GABRG2: variants seen among roughly 807,000 people sequenced by gnomAD.
GABRG2 encodes the protein gamma-aminobutyric acid type A receptor subunit gamma2, also known as gamma-aminobutyric acid receptor subunit gamma-2.
GABRG2 carries 16 observed loss-of-function variants against 56.4 expected under a neutral mutation model. The ratio of observed to expected loss-of-function variants is 0.28; its 90% CI spans 0.19 to 0.43. The LOEUF (loss-of-function observed/expected upper bound fraction) is 0.43. GABRG2 is among the 20% of genes least tolerant of loss of function. The pLI is 1.00. For synonymous variants in GABRG2, 208 were observed against 205.5 expected (o/e 1.01, Z -0.10); for missense variants, 327 against 582.7 (o/e 0.56, Z 4.52).
chr5:162,101,063 A>C (rs1761378176), intron 4 of GABRG2, among the ~76,000 whole-genome samples, 172 bp from the exon 5 acceptor site: 1 of 152,132 alleles, frequency 6.6e-6, no homozygotes, highest in East Asian at 1.9e-4. Flanking sequence ...GACTACATTA[A>C]GTCTTATGTA....
At chr5:162,078,530 T>G (rs1759381097) in intron 1 of GABRG2, among the ~76,000 whole-genome samples, 1 of 146,922 alleles carries the variant, frequency 6.8e-6, no homozygotes, top group Non-Finnish European at 1.5e-5. Context: ...TTCAGCCTCC[T>G]GAGTATCTGG....
intron 3 of GABRG2, among the ~76,000 whole-genome samples, chr5:162,095,813 A>T (rs1053470482): frequency 2.6e-5 from 4 of 152,080 alleles, no homozygotes; most frequent in Admixed American, 2.0e-4. Context: ...GAAATTCAAC[A>T]ATCGGTGTTT....
chr5:162,113,001 G>A (rs80091100), intron 6 of GABRG2, among the ~76,000 whole-genome samples: 32,210 of 151,708 alleles, frequency 0.21, 3,760 homozygotes, highest in South Asian at 0.36. Context: ...TACCCAGGCC[G>A]GAGTGCAGTG....
chr5:162,068,191 A>T, intron 1 of GABRG2, 85 bp downstream of exon 1: 1 of 859,812 alleles, frequency 1.2e-6, no homozygotes, highest in Non-Finnish European at 2.0e-6. Flanking sequence ...GACCACCCAG[A>T]TTTAAAACAC....
At chr5:162,097,550 G>A in intron 3 of GABRG2, 88 bp from the exon 4 acceptor site, 1 of 1,064,434 alleles carries the variant, frequency 9.4e-7, no homozygotes, top group Non-Finnish European at 1.4e-6. Flanking sequence ...CTTCATATTG[G>A]CAAAGAAAAC....
At chr5:162,102,850 T>C (rs1402063673) in intron 5 of GABRG2, 1 of 233,840 alleles carries the variant, frequency 4.3e-6, no homozygotes, top group Non-Finnish European at 8.8e-6. Flanking sequence ...CCCTCTTTAA[T>C]TAATATAAAC....
At chr5:162,152,846 A>T in intron 9 of GABRG2, 1 of 598,414 alleles carries the variant, frequency 1.7e-6, no homozygotes, top group Non-Finnish European at 3.0e-6. Context: ...TTGGTGTTCA[A>T]TCTCCTTGCT....
intron 1 of GABRG2, among the ~76,000 whole-genome samples, chr5:162,085,634 C>G (rs1760031106): frequency 6.8e-6 from 1 of 146,684 alleles, no homozygotes; most frequent in South Asian, 2.2e-4. Context: ...TATAGGTAAA[C>G]TTGTGTTATG....
intron 5 of GABRG2, chr5:162,102,148 C>T (rs535664831): frequency 5.8e-6 from 1 of 170,964 alleles, no homozygotes; most frequent in East Asian, 1.5e-4. Context: ...GAAGTAATCA[C>T]CTGTTTATCA....
intron 6 of GABRG2, among the ~76,000 whole-genome samples, chr5:162,119,630 A>T (rs1331906221): frequency 1.3e-5 from 2 of 152,088 alleles, no homozygotes; most frequent in Non-Finnish European, 2.9e-5. Flanking sequence ...TCGAGATGTA[A>T]CTGAACTTTA....
At chr5:162,144,389 A>G (rs569416346) in intron 7 of GABRG2, among the ~76,000 whole-genome samples, 25 of 152,302 alleles carry the variant, frequency 1.6e-4, no homozygotes, top group Non-Finnish European at 2.6e-4. Context: ...TGGGTAACTC[A>G]TTTAACCCAC....
intron 6 of GABRG2, 71 bp downstream of exon 6, chr5:162,104,097 G>A: frequency 3.5e-6 from 5 of 1,418,780 alleles, no homozygotes; most frequent in Non-Finnish European, 5.0e-6. Context: ...TGAATTAGAA[G>A]ATTTTTCAAT....
At chr5:162,133,175 A>T (rs1763877800) in intron 6 of GABRG2, among the ~76,000 whole-genome samples, 1 of 152,088 alleles carries the variant, frequency 6.6e-6, no homozygotes, top group African/African-American at 2.4e-5. Context: ...CAACAGGAAT[A>T]TCACCTACCA....
chr5:162,107,960 C>T (rs932712823), intron 6 of GABRG2, among the ~76,000 whole-genome samples: 2 of 152,196 alleles, frequency 1.3e-5, no homozygotes, highest in Non-Finnish European at 1.5e-5. Flanking sequence ...ATTTCTCTCT[C>T]ATCTCCAGTC....
intron 1 of GABRG2, among the ~76,000 whole-genome samples, chr5:162,091,846 G>C (rs964831515): frequency 1.3e-5 from 2 of 152,000 alleles, no homozygotes; most frequent in African/African-American, 4.8e-5. Flanking sequence ...AACAAACTAA[G>C]CAATTTAGTA....
rs1254425203 is a variant in GABRG2, at chr5:162,142,230, C to T, written c.836C>T (p.Thr279Ile). 6.2e-7 allele frequency: 1 copy of T among 1,613,946 alleles called. No homozygotes were observed. Among genetic ancestry groups the T allele is most frequent in the Middle Eastern group, 1.6e-4 (1 of 6,062 alleles). Residue 279 changes from threonine (T) to isoleucine (I), a missense_variant, in exon 7 of 10, where the codon ACC becomes ATC. Thr to Ile is a moderately conservative substitution (Grantham distance 89). Transcript: ENST00000639213. The part of the protein sequence containing the change: ...SRRMGYFTIQ[T>I]YIPCTLIVVL... ...AGAATGGGATACTTTACCATCCAGA[C>T]CTATATCCCCTGCACACTCATTGTC...
At chr5:162,067,574 C>T, upstream of GABRG2, 1 of 464,594 alleles carries the variant, frequency 2.2e-6, no homozygotes, top group Non-Finnish European at 3.8e-6. Flanking sequence ...GCTCTGCCCC[C>T]TGTAAAAGAA....
At position 162,091,287 on chromosome 5, in the gene GABRG2, T is replaced by C. The variant is rs181219655; in HGVS notation, c.108-2541T>C. ...TGGTCACTTTATAAAATGATTAATA[T>C]AATATTTATAATAATATTTGTTCCA... is the stretch of plus-strand genomic sequence containing the variant. On this transcript the variant is annotated intron_variant, in intron 1 of 9. Coordinates refer to ENST00000639213, the MANE Select transcript of GABRG2 (RefSeq NM_198904.4). 1.4e-4 allele frequency among the ~76,000 whole-genome samples: 22 copies of C among 151,886 alleles called. No homozygotes were observed. The East Asian group carries it at 3.3e-3, about 23-fold the overall frequency.
At chr5:162,093,648 A>G (rs1760778786) in intron 1 of GABRG2, among the ~76,000 whole-genome samples, 180 bp from the exon 2 acceptor site, 1 of 152,196 alleles carries the variant, frequency 6.6e-6, no homozygotes, top group African/African-American at 2.4e-5. Flanking sequence ...CCTGAAGCGT[A>G]CACTTGAATA....
Sources: gnomAD v4.1 joint callset for allele counts (sites outside exome capture counted in the v4.1 genomes callset) on GRCh38, gnomAD v4.1.1 for gene constraint, MANE v1.5 for transcripts, NCBI Gene and HGNC (gene_info 2026-07-23, HGNC 2026-07-21) for gene names.